Variants in CTBP2 observed in about 807,000 individuals in gnomAD.
CTBP2 encodes the protein C-terminal-binding protein 2.
A neutral mutation model predicts 80.3 loss-of-function variants in CTBP2; 30 were observed. The observed-to-expected ratio is 0.37, with a 90% CI of 0.28 to 0.51. The LOEUF (loss-of-function observed/expected upper bound fraction) is 0.51, where lower values mean the gene tolerates loss of function less well. CTBP2 is among the 20% of genes least tolerant of loss of function. The probability of loss-of-function intolerance (pLI) is 0.93; values close to 1 mark genes in which losing one functional copy is unlikely to be tolerated. For missense variants in CTBP2, 1,212 were observed against 1,375.3 expected, an observed-to-expected ratio of 0.88 and a Z score of 1.88; for synonymous variants, 594 against 587.4, an observed-to-expected ratio of 1.01 and a Z score of -0.16.
chr10:124,996,635 G>A (rs1317824478), intron 4 of CTBP2: 1 of 152,468 alleles, frequency 6.6e-6, no homozygotes. Context: ...GACGGCTGGA[G>A]TCAGAAGCCC....
At chr10:125,037,763 G>A (rs903673184) in intron 3 of CTBP2, among the ~76,000 whole-genome samples, 1 of 152,224 alleles carries the variant, frequency 6.6e-6, no homozygotes, top group Non-Finnish European at 1.5e-5. Flanking sequence ...ACTGGGAGCA[G>A]TACGAAATTG....
intron 1 of CTBP2, among the ~76,000 whole-genome samples, chr10:125,124,036 G>A (rs1245705077): frequency 6.6e-6 from 1 of 152,202 alleles, no homozygotes; most frequent in Admixed American, 6.5e-5. Flanking sequence ...GCTGGAACAG[G>A]CCAAGACTGT....
Position 124,987,868 on chromosome 10 carries a change from T to TAG in CTBP2, c.*1649_*1650insCT. 1 of 152,374 alleles carries TAG rather than the reference T, an allele frequency of 6.6e-6. No individual in the cohort carries two copies. The highest frequency in any genetic ancestry group is 2.1e-4 in the South Asian group (1 of 4,830). The allele number at this position is 152,374 out of a possible 1,614,324, so 9.4% of individuals were successfully genotyped here. ...TGCAAATACTTTTAGTATAAAGGTT[T>TAG]AATTCTATTTAAAAAGAAGATCCAT... On this transcript the variant is annotated 3_prime_UTR_variant, in exon 9 of 9. Transcript: ENST00000309035.
chr10:125,027,763 A>G lies in CTBP2; in HGVS notation c.-4T>C. The G allele has an allele frequency of 6.4e-7, 1 of 1,556,482 alleles. No homozygotes were observed. The highest frequency in any genetic ancestry group is 8.7e-7 in the Non-Finnish European group (1 of 1,150,416). ...TATGCCTGCTGGGAACTGGCATTGG[A>G]AAAAAAATGACTGCGGATGAGGCAG... is the stretch of plus-strand genomic sequence containing the variant. On this transcript the variant is annotated 5_prime_UTR_variant, in exon 1 of 9. Coordinates refer to ENST00000309035, the MANE Select transcript of CTBP2 (RefSeq NM_022802.3).
At chr10:125,036,689 GTGTGTGTGTGTGTGTGTGTGTGTGTGTT>G (rs1564769719) in intron 3 of CTBP2, among the ~76,000 whole-genome samples, 2 of 115,614 alleles carry the variant, frequency 1.7e-5, no homozygotes, top group African/African-American at 4.1e-5. Context: ...GTGTGTGTGT[GTGTGTGTGTGTGTGTGTGTGTGTGTGTT>G]TGTGTGTGTT....
At chr10:125,008,925 G>C (rs12769682) in intron 1 of CTBP2, among the ~76,000 whole-genome samples, 34,354 of 152,184 alleles carry the variant, frequency 0.23, 4,346 homozygotes, top group Middle Eastern at 0.39. Context: ...CTTATTTGAA[G>C]GTGTTTTTAC....
At chr10:125,019,344 C>A (rs1304498684) in intron 1 of CTBP2, among the ~76,000 whole-genome samples, 1 of 152,126 alleles carries the variant, frequency 6.6e-6, no homozygotes, top group African/African-American at 2.4e-5. Flanking sequence ...CCAAAAAAAC[C>A]TCTCCCACGT....
At chr10:125,084,359 G>A (rs1162055013) in intron 2 of CTBP2, among the ~76,000 whole-genome samples, 1 of 152,168 alleles carries the variant, frequency 6.6e-6, no homozygotes, top group Non-Finnish European at 1.5e-5. Flanking sequence ...CTTCTATTTC[G>A]AGCCAACAGC....
At chr10:125,063,367 G>A (rs1464305122) in intron 2 of CTBP2, among the ~76,000 whole-genome samples, 3 of 152,140 alleles carry the variant, frequency 2.0e-5, no homozygotes, top group African/African-American at 7.2e-5. Context: ...CACGTCATGA[G>A]GCCTGTGGCA....
chr10:125,118,792 G>A (rs991434480), intron 1 of CTBP2, among the ~76,000 whole-genome samples: 9 of 152,232 alleles, frequency 5.9e-5, no homozygotes. Context: ...TGAGGTCCCC[G>A]CAAAGGCGCG....
At chr10:125,141,148 A>G (rs1388983976) in intron 1 of CTBP2, among the ~76,000 whole-genome samples, 3 of 152,030 alleles carry the variant, frequency 2.0e-5, no homozygotes, top group Non-Finnish European at 4.4e-5. Context: ...GTCAAAAAAA[A>G]AAAAAGAATA....
intron 2 of CTBP2, among the ~76,000 whole-genome samples, chr10:125,048,998 A>G (rs1961968864): frequency 6.7e-6 from 1 of 150,292 alleles, no homozygotes; most frequent in Non-Finnish European, 1.5e-5. Flanking sequence ...TTCTGGCCAG[A>G]ATGCACATTA....
At chr10:125,107,787 T>C (rs1348575871) in intron 2 of CTBP2, among the ~76,000 whole-genome samples, 1 of 152,192 alleles carries the variant, frequency 6.6e-6, no homozygotes, top group Non-Finnish European at 1.5e-5. Flanking sequence ...CCTGGAGATC[T>C]GTCAAAATAC....
intron 1 of CTBP2, among the ~76,000 whole-genome samples, chr10:125,022,201 C>T (rs1182018535): frequency 6.6e-6 from 1 of 152,048 alleles, no homozygotes; most frequent in Non-Finnish European, 1.5e-5. Context: ...CCTGCCGGTG[C>T]ACACACATGC....
At chr10:125,012,093 G>A (rs897931774) in intron 1 of CTBP2, among the ~76,000 whole-genome samples, 15 of 152,194 alleles carry the variant, frequency 9.9e-5, no homozygotes, top group Non-Finnish European at 1.6e-4. Flanking sequence ...CAAAAACGGC[G>A]CCTTAGAAGG....
At chr10:125,112,198 C>T (rs750653788) in intron 1 of CTBP2, among the ~76,000 whole-genome samples, 4 of 150,634 alleles carry the variant, frequency 2.7e-5, no homozygotes, top group Non-Finnish European at 4.4e-5. Flanking sequence ...CTGCAAGCTC[C>T]GCCTCCTGAG....
rs78860838 is a variant in CTBP2 at position 124,998,024 on chromosome 10, G to A, written c.2125C>T (p.Arg709Cys). Residue 709 changes from arginine to cysteine, a missense_variant, in exon 4 of 9, where the codon CGC (arginine) becomes TGC (cysteine). By Grantham distance (180) the Arg-to-Cys change is radical. Around this residue, in one of 3 missense-constraint regions of CTBP2, gnomAD observed 335 missense variants for 504.7 expected, o/e 0.66. Coordinates refer to ENST00000309035, the MANE Select transcript of CTBP2 (RefSeq NM_022802.3). ...CGGGCCGCTCCCGAGGCCACCTCGC[G>A]GATCTGCTCCACGCTCTGAACCCGC... 8.7e-6 allele frequency: 14 copies of A among 1,613,192 alleles called. No homozygotes were observed. The highest frequency in any genetic ancestry group is 1.2e-5 in the Non-Finnish European group (14 of 1,180,010).
chr10:125,069,461 T>C (rs934093217), intron 2 of CTBP2, among the ~76,000 whole-genome samples: 3 of 151,868 alleles, frequency 2.0e-5, no homozygotes, highest in Non-Finnish European at 2.9e-5. Flanking sequence ...CTACTGAAAA[T>C]ACAAAAATTA....
chr10:125,046,520 A>C (rs1477626588), intron 2 of CTBP2, among the ~76,000 whole-genome samples: 2 of 138,624 alleles, frequency 1.4e-5, no homozygotes, highest in Non-Finnish European at 3.1e-5. Context: ...CCTGAGTGAC[A>C]GAGTGAGACT....
Sources: gnomAD v4.1 joint callset for allele counts (sites outside exome capture counted in the v4.1 genomes callset) on GRCh38, gnomAD v4.1.1 for gene constraint, gnomAD v4.1.1 regional missense constraint, MANE v1.5 for transcripts, NCBI Gene and HGNC (gene_info 2026-07-23, HGNC 2026-07-21) for gene names.